ZNF385B: variants seen among roughly 807,000 people sequenced by gnomAD.
ZNF385B encodes the protein zinc finger protein 385B.
ZNF385B carries 23 observed loss-of-function variants against 39.2 expected under a neutral mutation model. The observed-to-expected ratio is 0.59, with a 90% CI of 0.42 to 0.83. The LOEUF is 0.83. Among genes scored for constraint, ZNF385B ranks in the 40% least tolerant of loss-of-function variants. ZNF385B has a pLI of 0.00. For missense variants in ZNF385B, 552 were observed against 598.9 expected (o/e 0.92, Z 0.82); for synonymous variants, 205 against 222.6 (o/e 0.92, Z 0.70).
intron 3 of ZNF385B, among the ~76,000 whole-genome samples, chr2:179,756,985 G>T (rs1374813614): frequency 2.6e-5 from 4 of 152,164 alleles, no homozygotes; most frequent in Non-Finnish European, 5.9e-5. Context: ...TCTCTGTCCA[G>T]CTTTGTTCTG....
At chr2:179,828,495 AT>A (rs1559230912) in intron 1 of ZNF385B, among the ~76,000 whole-genome samples, 1 of 152,102 alleles carries the variant, frequency 6.6e-6, no homozygotes, top group African/African-American at 2.4e-5. Context: ...GCTTAAGTAA[AT>A]TTTTTTAAAA....
intron 1 of ZNF385B, among the ~76,000 whole-genome samples, chr2:179,776,723 T>A (rs1398496342): frequency 6.6e-6 from 1 of 152,072 alleles, no homozygotes; most frequent in Non-Finnish European, 1.5e-5. Flanking sequence ...GCTACACAGC[T>A]GGTTAAGATG....
Sources: allele counts gnomAD v4.1 joint callset (sites outside exome capture counted in the v4.1 genomes callset), GRCh38; gene constraint gnomAD v4.1.1; transcripts MANE v1.5; gene names NCBI Gene and HGNC (gene_info 2026-07-23, HGNC 2026-07-21).